Variants in TRIM14 observed in about 807,000 individuals in gnomAD.
TRIM14 encodes the protein tripartite motif containing 14.
TRIM14 carries 28 observed loss-of-function variants against 44.5 expected under a neutral mutation model. That is an observed-to-expected ratio of 0.63 (90% CI 0.47 to 0.86). The LOEUF (loss-of-function observed/expected upper bound fraction) is 0.86, where lower values mean the gene tolerates loss of function less well. TRIM14 is among the 40% of genes least tolerant of loss of function. The probability of loss-of-function intolerance (pLI) is 0.00; values close to 1 mark genes in which losing one functional copy is unlikely to be tolerated. For missense variants in TRIM14, 607 were observed against 611.1 expected, an observed-to-expected ratio of 0.99 and a Z score of 0.07; for synonymous variants, 299 against 269.2, an observed-to-expected ratio of 1.11 and a Z score of -1.08.
At chr9:98,062,632 C>T in the TRIM14 span, among the ~76,000 whole-genome samples, 1 of 152,000 alleles carries the variant, frequency 6.6e-6, no homozygotes. Flanking sequence ...GAGTTCTGTG[C>T]CTGCTTGTTT....
downstream of TRIM14, chr9:98,082,890 C>T: frequency 1.2e-6 from 2 of 1,614,146 alleles, no homozygotes; most frequent in East Asian, 2.2e-5. Context: ...CGGAAGGCAC[C>T]ATTCTAACAA....
At chr9:98,056,761 C>T in the TRIM14 span, 1 of 1,587,638 alleles carries the variant, frequency 6.3e-7, no homozygotes, top group Non-Finnish European at 8.5e-7. Flanking sequence ...GCGGCGGCGG[C>T]GGCCGGACCC....
the TRIM14 span, among the ~76,000 whole-genome samples, chr9:98,047,033 G>A: frequency 6.6e-6 from 1 of 152,076 alleles, no homozygotes; most frequent in South Asian, 2.1e-4. Context: ...TGGGTGATAT[G>A]GCTTTGTTGT....
chr9:98,049,473 T>A, the TRIM14 span, among the ~76,000 whole-genome samples: 1 of 151,898 alleles, frequency 6.6e-6, no homozygotes, highest in Non-Finnish European at 1.5e-5. Context: ...TCATGAGTTT[T>A]CCAGGAAAGG....
the TRIM14 span, chr9:98,056,808 A>C: frequency 3.0e-5 from 48 of 1,611,440 alleles, no homozygotes; most frequent in Non-Finnish European, 3.9e-5. Flanking sequence ...GAGCCGCTGC[A>C]ATGCCGCTGG....
chr9:98,075,748 A>G (rs1025369720), intron 6 of TRIM14: 4 of 152,180 alleles, frequency 2.6e-5, no homozygotes, highest in South Asian at 2.1e-4. Flanking sequence ...GTGTATGTTT[A>G]TTACTCTTGT....
At chr9:98,042,086 G>A in the TRIM14 span, among the ~76,000 whole-genome samples, 1 of 151,550 alleles carries the variant, frequency 6.6e-6, no homozygotes, top group Non-Finnish European at 1.5e-5. Flanking sequence ...AAGGTCAGGA[G>A]ATCAAGACCA....
At chr9:98,041,941 C>T in the TRIM14 span, among the ~76,000 whole-genome samples, 1 of 151,614 alleles carries the variant, frequency 6.6e-6, no homozygotes, top group Non-Finnish European at 1.5e-5. Flanking sequence ...CCTTGGCCTC[C>T]CGAAGTGTTA....
chr9:98,052,033 A>C, the TRIM14 span, among the ~76,000 whole-genome samples: 2 of 152,152 alleles, frequency 1.3e-5, no homozygotes, highest in Non-Finnish European at 2.9e-5. Context: ...CTACCTGGTT[A>C]TTACACACCA....
Position 98,091,897 on chromosome 9 carries a change from C to T in TRIM14, c.793+12G>A, listed in dbSNP as rs1564175476. The T allele has an allele frequency of 2.5e-6, 4 of 1,582,072 alleles. No homozygotes were observed. The highest frequency in any genetic ancestry group is 1.8e-4 in the Middle Eastern group (1 of 5,652). ...ACCGTCTCCACCCTATCCCCACTCCCGGGGGTCTTACATTTCAGCAATAGC... is the reference window on the plus strand; with the variant it reads ...ACCGTCTCCACCCTATCCCCACTCCTGGGGGTCTTACATTTCAGCAATAGC... On this transcript the variant is annotated intron_variant, in intron 5 of 5. Transcript: ENST00000341469.
the TRIM14 span, among the ~76,000 whole-genome samples, chr9:98,053,823 A>AAATAAATT: frequency 6.6e-6 from 1 of 151,894 alleles, no homozygotes; most frequent in African/African-American, 2.4e-5. Context: ...ATAAATAAAT[A>AAATAAATT]AATAAATAAA....
rs1234381999 is a variant in TRIM14, at chr9:98,087,865, G to A, written c.934C>T (p.Leu312=). Residue 312 remains leucine, a synonymous_variant, in exon 6 of 6, where the codon CTG becomes TTG. Coordinates refer to ENST00000341469, the MANE Select transcript of TRIM14 (RefSeq NM_014788.4). ...VLRFDALWQV[L]ARDCFATGRH... is the part of the protein sequence containing the mutation. ...CCGGTGGCGAAGCAGTCACGAGCCAGCACTTGCCAGAGCGCGTCGAACCGC... is the reference window on the plus strand; with the variant it reads ...CCGGTGGCGAAGCAGTCACGAGCCAACACTTGCCAGAGCGCGTCGAACCGC... The A allele has an allele frequency of 6.4e-7, 1 of 1,565,562 alleles. No individual in the cohort carries two copies. Among genetic ancestry groups the A allele is most frequent in the South Asian group, 1.2e-5 (1 of 86,778 alleles).
chr9:98,063,130 G>T, the TRIM14 span, among the ~76,000 whole-genome samples: 2 of 151,804 alleles, frequency 1.3e-5, no homozygotes, highest in African/African-American at 4.8e-5. Context: ...GTTTCACCAT[G>T]TTAGCCAGGC....
downstream of TRIM14, among the ~76,000 whole-genome samples, chr9:98,079,743 T>C (rs1829767592): frequency 6.6e-6 from 1 of 152,240 alleles, no homozygotes; most frequent in Admixed American, 6.5e-5. Context: ...GGTGCTGTCA[T>C]GTCCTCTCTC....
At chr9:98,089,419 C>T (rs372208428) in intron 5 of TRIM14, among the ~76,000 whole-genome samples, 3 of 152,130 alleles carry the variant, frequency 2.0e-5, no homozygotes, top group East Asian at 1.9e-4. Flanking sequence ...TCCGGTGATC[C>T]GCCTGCCTCA....
chr9:98,068,110 A>G (rs9918951), downstream of TRIM14, among the ~76,000 whole-genome samples: 93,444 of 151,938 alleles, frequency 0.62, 31,676 homozygotes, highest in African/African-American at 0.9. Context: ...TCTTGTGTTT[A>G]TCTATTTATA....
intron 6 of TRIM14, among the ~76,000 whole-genome samples, chr9:98,074,023 T>C (rs1207628592): frequency 6.6e-6 from 1 of 152,038 alleles, no homozygotes; most frequent in African/African-American, 2.4e-5. Flanking sequence ...TGGGCTAAAA[T>C]GATCCTCCTG....
At chr9:98,112,888 T>A (rs1429133186) in intron 1 of TRIM14, among the ~76,000 whole-genome samples, 1 of 143,590 alleles carries the variant, frequency 7.0e-6, no homozygotes, top group Non-Finnish European at 1.5e-5. Flanking sequence ...CCGAGACAGG[T>A]GGATCACCTG....
At chr9:98,115,375 C>T (rs1253664525) in intron 1 of TRIM14, among the ~76,000 whole-genome samples, 2 of 152,134 alleles carry the variant, frequency 1.3e-5, no homozygotes, top group Admixed American at 6.5e-5. Flanking sequence ...CTCAGCCTCC[C>T]GAGTAGCTGG....
Sources: gnomAD v4.1 joint callset for allele counts (sites outside exome capture counted in the v4.1 genomes callset) on GRCh38, gnomAD v4.1.1 for gene constraint, MANE v1.5 for transcripts, NCBI Gene and HGNC (gene_info 2026-07-23, HGNC 2026-07-21) for gene names.